Variants in TBC1D22A observed in about 807,000 individuals in gnomAD.
TBC1D22A encodes the protein TBC1 domain family member 22A, also known as putative GTPase activator.
Under a neutral mutation model 60.2 loss-of-function variants are expected in TBC1D22A, and 38 were observed. The observed-to-expected ratio is 0.63, with a 90% CI of 0.49 to 0.83. TBC1D22A has a LOEUF of 0.83. Ranked by LOEUF, TBC1D22A falls within the 40% of genes least tolerant of loss-of-function variation. The pLI is 0.00. For synonymous variants in TBC1D22A, 302 were observed against 281.7 expected, an observed-to-expected ratio of 1.07 and a Z score of -0.72; for missense variants, 628 against 701.0, an observed-to-expected ratio of 0.90 and a Z score of 1.18.
intron 11 of TBC1D22A, among the ~76,000 whole-genome samples, chr22:47,080,625 ATAT>A (rs1569426305): frequency 2.0e-5 from 3 of 148,892 alleles, no homozygotes; most frequent in Non-Finnish European, 3.0e-5. Context: ...ACCTGTAAAA[ATAT>A]ATATATATAT....
Position 46,814,590 on chromosome 22 carries a change from C to T in TBC1D22A, c.637+16970C>T, listed in dbSNP as rs548516222. Reference sequence around the variant, plus strand: ...GGCTGTGTGTGTGTGTTTTCCTTTTCACGTAGACTTGAGATTAAGCAGTGT... The same window carrying T: ...GGCTGTGTGTGTGTGTTTTCCTTTTTACGTAGACTTGAGATTAAGCAGTGT... On this transcript the variant is annotated intron_variant, in intron 4 of 12. Transcript: ENST00000337137. Among the ~76,000 whole-genome samples, 4 of 152,252 alleles carry T rather than the reference C, an allele frequency of 2.6e-5. No homozygotes were observed. The South Asian group carries it at 8.3e-4, about 32-fold the overall frequency.
intron 8 of TBC1D22A, among the ~76,000 whole-genome samples, chr22:46,941,372 T>TACAGAATATATATAC (rs1569247789): frequency 2.7e-5 from 4 of 147,806 alleles, no homozygotes; most frequent in Admixed American, 1.4e-4. Context: ...AGAATATATA[T>TACAGAATATATATAC]ACAGAATATA....
chr22:46,974,572 A>G (rs1450437390), intron 9 of TBC1D22A, among the ~76,000 whole-genome samples, 173 bp downstream of exon 9: 3 of 152,186 alleles, frequency 2.0e-5, no homozygotes, highest in African/African-American at 7.2e-5. Flanking sequence ...GGGGTGAGAC[A>G]CAGTGTATGT....
chr22:46,854,822 G>A (rs1242064227), intron 4 of TBC1D22A, among the ~76,000 whole-genome samples: 2 of 152,054 alleles, frequency 1.3e-5, no homozygotes, highest in African/African-American at 2.4e-5. Context: ...TTTCTTAATC[G>A]GACTCCTAAT....
intron 7 of TBC1D22A, among the ~76,000 whole-genome samples, chr22:46,895,979 T>G (rs1237018337): frequency 6.6e-6 from 1 of 152,192 alleles, no homozygotes; most frequent in Non-Finnish European, 1.5e-5. Context: ...AAATAAACTG[T>G]CCTCTGCAGC....
rs140382079 is a variant in TBC1D22A at position 46,894,924 on chromosome 22, A to G, written c.900+78A>G. The G allele has an allele frequency of 4.8e-5, 73 of 1,528,876 alleles. 1 individual carries two copies. The African/African-American group carries it at 8.0e-4, about 17-fold the overall frequency. 94.7% of individuals were successfully genotyped at this position (1,528,876 alleles called of 1,614,324 possible). On this transcript the variant is annotated intron_variant, in intron 7 of 12. Coordinates refer to ENST00000337137, the MANE Select transcript of TBC1D22A (RefSeq NM_014346.5). ...ACTGTGCTAACCAGACAGTGGGCGC[A>G]GCCGGAGGTGCTTCACCCAGAAGCA... is the stretch of plus-strand genomic sequence containing the variant.
At chr22:47,171,688 T>G (rs1460821864) in intron 12 of TBC1D22A, among the ~76,000 whole-genome samples, 2 of 152,180 alleles carry the variant, frequency 1.3e-5, no homozygotes, top group African/African-American at 4.8e-5. Flanking sequence ...CTTGGTGGGC[T>G]GCCAGCAGCT....
intron 12 of TBC1D22A, among the ~76,000 whole-genome samples, chr22:47,165,450 C>T (rs2068167760): frequency 6.6e-6 from 1 of 152,136 alleles, no homozygotes; most frequent in Non-Finnish European, 1.5e-5. Context: ...CTCGCCATCG[C>T]CATCTCATAG....
At chr22:47,042,876 T>C (rs946628765) in intron 11 of TBC1D22A, among the ~76,000 whole-genome samples, 1 of 152,228 alleles carries the variant, frequency 6.6e-6, no homozygotes, top group South Asian at 2.1e-4. Flanking sequence ...GCATGGCCAG[T>C]GCAAGCCTCG....
At chr22:46,782,191 A>C (rs1021816153) in intron 1 of TBC1D22A, among the ~76,000 whole-genome samples, 1 of 152,164 alleles carries the variant, frequency 6.6e-6, no homozygotes, top group African/African-American at 2.4e-5. Context: ...GGTAGCTGGG[A>C]CTACAGGCGT....
chr22:46,765,451 TTTTTTG>T (rs895527405), intron 1 of TBC1D22A, among the ~76,000 whole-genome samples: 13 of 152,290 alleles, frequency 8.5e-5, no homozygotes, highest in African/African-American at 2.2e-4. Flanking sequence ...TTTTCTTTCT[TTTTTTG>T]TTTTTGTTTT....
At chr22:47,020,293 G>A (rs2062041973) in intron 10 of TBC1D22A, among the ~76,000 whole-genome samples, 1 of 152,136 alleles carries the variant, frequency 6.6e-6, no homozygotes, top group African/African-American at 2.4e-5. Flanking sequence ...TCTGGGATCA[G>A]GGTCACAGCT....
intron 8 of TBC1D22A, among the ~76,000 whole-genome samples, chr22:46,958,219 C>T (rs534725436): frequency 6.6e-5 from 10 of 152,270 alleles, no homozygotes; most frequent in Non-Finnish European, 8.8e-5. Flanking sequence ...CTGGGAGTTT[C>T]GTAGAACCAG....
intron 12 of TBC1D22A, among the ~76,000 whole-genome samples, chr22:47,112,071 C>G (rs550031266): frequency 1.3e-5 from 2 of 152,222 alleles, no homozygotes; most frequent in African/African-American, 4.8e-5. Context: ...TAAGCTAGTC[C>G]CTGGCGACTT....
At chr22:46,903,383 C>T (rs892372655) in intron 7 of TBC1D22A, among the ~76,000 whole-genome samples, 9 of 152,220 alleles carry the variant, frequency 5.9e-5, no homozygotes, top group African/African-American at 1.7e-4. Context: ...GTTTGCCCTC[C>T]CCGCCCTGAT....
intron 4 of TBC1D22A, among the ~76,000 whole-genome samples, chr22:46,817,106 C>G (rs1190801465): frequency 1.3e-5 from 2 of 152,140 alleles, no homozygotes; most frequent in African/African-American, 4.8e-5. Context: ...AATCGTATCT[C>G]AAGAGAGTGG....
At chr22:47,072,283 T>A (rs544057265) in intron 11 of TBC1D22A, among the ~76,000 whole-genome samples, 1 of 152,248 alleles carries the variant, frequency 6.6e-6, no homozygotes, top group Admixed American at 6.5e-5. Context: ...TGAAGCTCAG[T>A]CCCCACTCGT....
rs570241848 is a variant in TBC1D22A at position 47,052,080 on chromosome 22, G to A, written c.1329+14882G>A. Among the ~76,000 whole-genome samples, 368 of 152,240 alleles carry A rather than the reference G, an allele frequency of 2.4e-3. 2 individuals are homozygous for A. Among genetic ancestry groups the A allele is most frequent in the African/African-American group, 8.6e-3 (357 of 41,564 alleles). On this transcript the variant is annotated intron_variant, in intron 11 of 12. Coordinates refer to ENST00000337137, the MANE Select transcript of TBC1D22A (RefSeq NM_014346.5). Reference sequence around the variant, plus strand: ...GGGGCAGGCTCTCACTGGGCCTCCTGCCCCCAGCAAGGTGTCCGCAGGTCC... The same window carrying A: ...GGGGCAGGCTCTCACTGGGCCTCCTACCCCCAGCAAGGTGTCCGCAGGTCC...
At chr22:46,986,490 G>A (rs1602824915) in intron 9 of TBC1D22A, among the ~76,000 whole-genome samples, 2 of 151,388 alleles carry the variant, frequency 1.3e-5, no homozygotes, top group South Asian at 4.2e-4. Context: ...GCAATATTGA[G>A]TCTTCTTACC....
Sources: gnomAD v4.1 joint callset for allele counts (sites outside exome capture counted in the v4.1 genomes callset) on GRCh38, gnomAD v4.1.1 for gene constraint, MANE v1.5 for transcripts, NCBI Gene and HGNC (gene_info 2026-07-23, HGNC 2026-07-21) for gene names.